PHF21A: variants seen among roughly 807,000 people sequenced by gnomAD.
The protein encoded by PHF21A is PHD finger protein 21A.
A neutral mutation model predicts 82.5 loss-of-function variants in PHF21A; 11 were observed. The ratio of observed to expected loss-of-function variants is 0.13; its 90% CI spans 0.08 to 0.22. The LOEUF (loss-of-function observed/expected upper bound fraction) is 0.22. Ranked by LOEUF, PHF21A falls within the 10% of genes least tolerant of loss-of-function variation. PHF21A has a pLI of 1.00. For missense variants in PHF21A, 579 were observed against 837.8 expected (o/e 0.69, Z 3.81); for synonymous variants, 297 against 302.8 (o/e 0.98, Z 0.20).
intron 6 of PHF21A, among the ~76,000 whole-genome samples, chr11:45,993,933 G>A (rs1202083557): frequency 6.6e-6 from 1 of 152,024 alleles, no homozygotes; most frequent in African/African-American, 2.4e-5. Context: ...TGGAAAGGCT[G>A]GGAACGTTCC....
chr11:46,081,531 C>G (rs1332080235), intron 4 of PHF21A, among the ~76,000 whole-genome samples: 1 of 152,188 alleles, frequency 6.6e-6, no homozygotes, highest in African/African-American at 2.4e-5. Flanking sequence ...GTCTTCACCT[C>G]TAGAGGAAAT....
intron 3 of PHF21A, among the ~76,000 whole-genome samples, chr11:46,088,868 G>C (rs1044043550): frequency 2.0e-5 from 3 of 152,024 alleles, no homozygotes; most frequent in Non-Finnish European, 4.4e-5. Flanking sequence ...ACTTCTGCTT[G>C]AAGATATGTG....
chr11:46,036,115 A>C (rs534691483), intron 6 of PHF21A, among the ~76,000 whole-genome samples: 192 of 152,368 alleles, frequency 1.3e-3, no homozygotes, highest in Middle Eastern at 6.8e-3. Context: ...TCTAAGAAGA[A>C]GACTGGCAGA....
rs767330804 is a variant in PHF21A, at chr11:45,934,127, G to A, written c.1887C>T (p.Ile629=). ...CAGAGTCTACAGGTTTGGAGAGGTC[G>A]ATGCCGTGGATGAGGCGAATCAGCT... is the stretch of plus-strand genomic sequence containing the variant. ...VKQLIRLIHG[I]DLSKPVDSEA... Residue 629 remains isoleucine (I), a synonymous_variant, in exon 19 of 19, where the codon ATC becomes ATT. Coordinates refer to ENST00000676320, the MANE Select transcript of PHF21A (RefSeq NM_001352027.3). 7 of 1,614,158 alleles carry A rather than the reference G, an allele frequency of 4.3e-6. No homozygotes were observed. Among genetic ancestry groups the A allele is most frequent in the African/African-American group, 1.3e-5 (1 of 75,046 alleles).
intron 7 of PHF21A, among the ~76,000 whole-genome samples, chr11:45,978,566 A>T (rs2094146652): frequency 6.6e-6 from 1 of 152,222 alleles, no homozygotes; most frequent in Admixed American, 6.5e-5. Context: ...TTCTCTCTAT[A>T]TAAAGACACA....
At chr11:45,980,043 T>C in intron 6 of PHF21A, 77 bp from the exon 7 acceptor site, 1 of 1,592,750 alleles carries the variant, frequency 6.3e-7, no homozygotes, top group Non-Finnish European at 8.6e-7. Flanking sequence ...TGCTCTGACA[T>C]CTTTTCTATA....
At chr11:46,118,817 T>C (rs1014029669) in intron 1 of PHF21A, 2 of 152,132 alleles carry the variant, frequency 1.3e-5, no homozygotes, top group Non-Finnish European at 2.9e-5. Flanking sequence ...ACCAAATAAA[T>C]TGTGAAACTT....
At chr11:46,103,087 A>G (rs1400529266) in intron 1 of PHF21A, among the ~76,000 whole-genome samples, 1 of 152,186 alleles carries the variant, frequency 6.6e-6, no homozygotes, top group Non-Finnish European at 1.5e-5. Flanking sequence ...TGCAGAGCTG[A>G]AATGGGACTG....
At chr11:45,978,564 A>C (rs1029847557) in intron 7 of PHF21A, among the ~76,000 whole-genome samples, 11 of 152,200 alleles carry the variant, frequency 7.2e-5, no homozygotes, top group Admixed American at 2.0e-4. Flanking sequence ...TTTTCTCTCT[A>C]TATAAAGACA....
chr11:46,070,505 AT>A (rs2096644550), intron 6 of PHF21A, among the ~76,000 whole-genome samples: 1 of 152,002 alleles, frequency 6.6e-6, no homozygotes, highest in African/African-American at 2.4e-5. Flanking sequence ...TAATTTTTGT[AT>A]TTTTAGTAGA....
chr11:46,092,991 G>C (rs1282164630), intron 1 of PHF21A, among the ~76,000 whole-genome samples: 1 of 152,036 alleles, frequency 6.6e-6, no homozygotes, highest in Non-Finnish European at 1.5e-5. Context: ...CTGGGCTCAA[G>C]CAATCCTCCC....
At chr11:46,010,072 T>C (rs2095381414) in intron 6 of PHF21A, among the ~76,000 whole-genome samples, 1 of 152,164 alleles carries the variant, frequency 6.6e-6, no homozygotes, top group African/African-American at 2.4e-5. Flanking sequence ...AACCATATCA[T>C]ACTAAAAGAA....
intron 7 of PHF21A, among the ~76,000 whole-genome samples, chr11:45,974,249 C>T (rs2093914611): frequency 6.6e-6 from 1 of 151,986 alleles, no homozygotes; most frequent in East Asian, 1.9e-4. Context: ...TAGATCTTTA[C>T]CCCTACTCTG....
intron 13 of PHF21A, 132 bp from the exon 14 acceptor site, chr11:45,949,078 A>C: frequency 1.3e-6 from 1 of 774,772 alleles, no homozygotes; most frequent in Non-Finnish European, 2.3e-6. Context: ...CTAAGGTCTC[A>C]ATGCTCAAGG....
At chr11:46,051,773 G>A (rs1001639570) in intron 6 of PHF21A, among the ~76,000 whole-genome samples, 6 of 152,168 alleles carry the variant, frequency 3.9e-5, no homozygotes, top group African/African-American at 1.4e-4. Context: ...TTGGATGAAG[G>A]AATGGACTTA....
In PHF21A at chr11:45,995,774, T is replaced by C. The variant is rs542801797; in HGVS notation, c.154-15808A>G. 2.2e-4 allele frequency among the ~76,000 whole-genome samples: 34 copies of C among 152,296 alleles called. 1 individual carries two copies. In the East Asian group the frequency reaches 4.6e-3, roughly 21 times the overall value. ...TATTGGCACACATATTCAGCTCAAT[T>C]ATACATGTGTAGACAAAAACAAACC... On this transcript the variant is annotated intron_variant, in intron 6 of 18. Transcript: ENST00000676320.
rs570176017 is a variant in PHF21A at position 46,120,753 on chromosome 11, C to A, written c.-237+182G>T. 1.4e-4 allele frequency among the ~76,000 whole-genome samples: 21 copies of A among 151,914 alleles called. No individual in the cohort carries two copies. In the South Asian group the frequency reaches 3.9e-3, roughly 29 times the overall value. ...CCCCTCCCCTCCCCCTACCTCCCCC[C>A]ACAACAAACTCCAAGCAGGCAGCCC... is the stretch of plus-strand genomic sequence containing the variant. On this transcript the variant is annotated intron_variant, in intron 1 of 18. Transcript: ENST00000676320.
chr11:45,964,286 C>T (rs2093305641), intron 10 of PHF21A, among the ~76,000 whole-genome samples: 1 of 150,806 alleles, frequency 6.6e-6, no homozygotes, highest in Admixed American at 6.6e-5. Context: ...AATAGGTTCC[C>T]CAGGAATTGA....
chr11:46,099,424 A>G (rs1380436756), intron 1 of PHF21A, among the ~76,000 whole-genome samples: 1 of 151,900 alleles, frequency 6.6e-6, no homozygotes, highest in Admixed American at 6.6e-5. Flanking sequence ...AAATTATAGC[A>G]CCTTATTGTG....
Sources: gnomAD v4.1 joint callset for allele counts (sites outside exome capture counted in the v4.1 genomes callset) on GRCh38, gnomAD v4.1.1 for gene constraint, MANE v1.5 for transcripts, NCBI Gene and HGNC (gene_info 2026-07-23, HGNC 2026-07-21) for gene names.